The following CUL1 variants were observed in gnomAD, a reference collection of about 807,000 sequenced individuals.
CUL1 encodes cullin 1, also known as cullin-1.
In CUL1, 24 loss-of-function variants were observed where a neutral mutation model predicts 118.0. The ratio of observed to expected loss-of-function variants is 0.20; its 90% CI spans 0.15 to 0.29. CUL1 has a LOEUF of 0.29. Ranked by LOEUF, CUL1 falls within the 10% of genes least tolerant of loss-of-function variation. CUL1 has a pLI of 1.00. For synonymous variants in CUL1, 332 were observed against 340.4 expected, an observed-to-expected ratio of 0.98 and a Z score of 0.27; for missense variants, 361 against 933.8, an observed-to-expected ratio of 0.39 and a Z score of 7.99.
chr7:148,764,815 CAT>C (rs1364184669), intron 7 of CUL1, among the ~76,000 whole-genome samples: 4 of 152,168 alleles, frequency 2.6e-5, no homozygotes, highest in African/African-American at 4.8e-5. Context: ...ATACAAATAA[CAT>C]AAACCTACAA....
intron 21 of CUL1, among the ~76,000 whole-genome samples, chr7:148,799,694 GAAA>G (rs1457827542): frequency 2.7e-5 from 4 of 146,064 alleles, no homozygotes; most frequent in South Asian, 2.4e-4. Context: ...GTGTCCCATA[GAAA>G]ATCACTGTCG....
At chr7:148,714,821 A>G (rs1798162734) in intron 1 of CUL1, among the ~76,000 whole-genome samples, 1 of 152,192 alleles carries the variant, frequency 6.6e-6, no homozygotes, top group African/African-American at 2.4e-5. Flanking sequence ...AGAGACATGC[A>G]CAGAAGTTCT....
chr7:148,781,283 A>G (rs1335895543), intron 9 of CUL1, among the ~76,000 whole-genome samples: 2 of 151,842 alleles, frequency 1.3e-5, no homozygotes, highest in Admixed American at 6.6e-5. Context: ...GGGTTTCACC[A>G]TGTTGGCCAG....
intron 7 of CUL1, 77 bp downstream of exon 7, chr7:148,760,573 C>T (rs1412658552): frequency 1.3e-5 from 14 of 1,040,410 alleles, no homozygotes; most frequent in Non-Finnish European, 1.8e-5. Context: ...TTAGCATATA[C>T]AGCTTTCTTT....
At position 148,786,534 on chromosome 7, in the gene CUL1, C is replaced by CT. The variant is rs1800820897; in HGVS notation, c.1299-12dup. ...GTACTGATGTTTTAAAACATGGTAT[C>CT]TTTTTAAAATTTTCAGTTCCAAGAA... On this transcript the variant is annotated splice_polypyrimidine_tract_variant and intron_variant, in intron 11 of 21. Coordinates refer to ENST00000325222, the MANE Select transcript of CUL1 (RefSeq NM_003592.3). 1 of 1,605,354 alleles carries CT rather than the reference C, an allele frequency of 6.2e-7. No homozygotes were observed. Among genetic ancestry groups the CT allele is most frequent in the Non-Finnish European group, 8.5e-7 (1 of 1,173,088 alleles).
Position 148,767,207 on chromosome 7 carries a change from C to T in CUL1, c.953-412C>T, listed in dbSNP as rs1019810309. On this transcript the variant is annotated intron_variant, in intron 8 of 21. Coordinates refer to ENST00000325222, the MANE Select transcript of CUL1 (RefSeq NM_003592.3). ...TTGTTTTTATAATTGAGATAGAAAT[C>T]CATATTCTCCTTAAATGTATTCATT... 9.2e-5 allele frequency among the ~76,000 whole-genome samples: 14 copies of T among 152,206 alleles called. 1 individual carries two copies. The highest frequency in any genetic ancestry group is 1.3e-4 in the Non-Finnish European group (9 of 68,006).
chr7:148,727,752 A>G (rs1798634786), intron 1 of CUL1, among the ~76,000 whole-genome samples: 1 of 151,984 alleles, frequency 6.6e-6, no homozygotes, highest in African/African-American at 2.4e-5. Context: ...TGGCGGGGAA[A>G]GGAGACTGAG....
intron 1 of CUL1, among the ~76,000 whole-genome samples, chr7:148,707,597 G>A (rs887942751): frequency 6.6e-6 from 1 of 151,948 alleles, no homozygotes; most frequent in African/African-American, 2.4e-5. Context: ...CATCACCTAG[G>A]TATTAAGCCC....
chr7:148,799,116 G>A (rs1479108575), intron 20 of CUL1, among the ~76,000 whole-genome samples, 159 bp from the exon 21 acceptor site: 4 of 152,112 alleles, frequency 2.6e-5, no homozygotes, highest in African/African-American at 9.7e-5. Context: ...GGTAGAATTG[G>A]TTCCCTCTCC....
At chr7:148,743,338 G>A (rs1270914812) in intron 2 of CUL1, among the ~76,000 whole-genome samples, 1 of 152,168 alleles carries the variant, frequency 6.6e-6, no homozygotes, top group Non-Finnish European at 1.5e-5. Flanking sequence ...GTGTGATATT[G>A]TCCTGTTGGT....
chr7:148,703,989 T>C (rs1298561512), intron 1 of CUL1, among the ~76,000 whole-genome samples: 1 of 152,194 alleles, frequency 6.6e-6, no homozygotes, highest in Admixed American at 6.5e-5. Context: ...GCACGGGAAC[T>C]GTAAAGGAAA....
At chr7:148,720,619 G>A (rs1396834981) in intron 1 of CUL1, among the ~76,000 whole-genome samples, 2 of 152,266 alleles carry the variant, frequency 1.3e-5, no homozygotes, top group South Asian at 2.1e-4. Context: ...TGGTGCTTTC[G>A]TAACTCCTAG....
At chr7:148,783,211 G>A (rs1563168063) in intron 9 of CUL1, 1 of 367,026 alleles carries the variant, frequency 2.7e-6, no homozygotes, top group African/African-American at 2.2e-5. Context: ...TCCTTGTTCC[G>A]GGGAGGCCCC....
At chr7:148,784,339 C>T (rs997865581) in intron 11 of CUL1, among the ~76,000 whole-genome samples, 5 of 152,196 alleles carry the variant, frequency 3.3e-5, no homozygotes, top group African/African-American at 1.2e-4. Context: ...ACCCTGTTCG[C>T]TTCTGAGATC....
At chr7:148,734,612 T>C (rs1798878213) in intron 2 of CUL1, among the ~76,000 whole-genome samples, 1 of 152,236 alleles carries the variant, frequency 6.6e-6, no homozygotes, top group Non-Finnish European at 1.5e-5. Context: ...ACCAGGTTTC[T>C]TTCCTTTTGA....
intron 9 of CUL1, among the ~76,000 whole-genome samples, chr7:148,781,657 C>G (rs561536215): frequency 6.6e-6 from 1 of 152,134 alleles, no homozygotes; most frequent in Non-Finnish European, 1.5e-5. Flanking sequence ...ATAGAGACAT[C>G]ACTGGTTCAG....
At chr7:148,712,102 G>A (rs1798071133) in intron 1 of CUL1, among the ~76,000 whole-genome samples, 1 of 152,180 alleles carries the variant, frequency 6.6e-6, no homozygotes, top group Admixed American at 6.5e-5. Context: ...TTTGTGTTAA[G>A]CTGGGTTCTG....
intron 2 of CUL1, among the ~76,000 whole-genome samples, chr7:148,753,632 G>T (rs776803732): frequency 1.5e-4 from 23 of 152,172 alleles, no homozygotes; most frequent in Non-Finnish European, 2.6e-4. Flanking sequence ...GTTTTTCCTG[G>T]AGTCAGTAAT....
Position 148,757,078 on chromosome 7 carries a change from T to C in CUL1, c.411T>C (p.Cys137=). The C allele has an allele frequency of 1.2e-6, 2 of 1,608,316 alleles. No individual in the cohort carries two copies. Among genetic ancestry groups the C allele is most frequent in the African/African-American group, 2.7e-5 (2 of 74,854 alleles). The change falls in exon 4 of 22, where the codon TGT becomes TGC. Residue 137 remains cysteine, a synonymous_variant. Transcript: ENST00000325222. Reference sequence around the variant, plus strand: ...CAAGCAAAGTGCTGAATGGAATTTGTGCCTACCTCAATAGACATTGGGTTC... The same window carrying C: ...CAAGCAAAGTGCTGAATGGAATTTGCGCCTACCTCAATAGACATTGGGTTC... ...RFSSKVLNGI[C]AYLNRHWVRR...
Sources: allele counts gnomAD v4.1 joint callset (sites outside exome capture counted in the v4.1 genomes callset), GRCh38; gene constraint gnomAD v4.1.1; transcripts MANE v1.5; gene names NCBI Gene and HGNC (gene_info 2026-07-23, HGNC 2026-07-21).